PTPRM: variants seen among roughly 807,000 people sequenced by gnomAD.
The protein encoded by PTPRM is receptor-type tyrosine-protein phosphatase mu.
A neutral mutation model predicts 186.7 loss-of-function variants in PTPRM; 47 were observed. That is an observed-to-expected ratio of 0.25 (90% confidence interval 0.20 to 0.32). The LOEUF is 0.32. PTPRM is among the 10% of genes least tolerant of loss of function. The probability of loss-of-function intolerance (pLI) is 1.00; values close to 1 mark genes in which losing one functional copy is unlikely to be tolerated. For synonymous variants in PTPRM, 668 were observed against 674.9 expected (o/e 0.99, Z 0.16); for missense variants, 1,494 against 1,865.0 (o/e 0.80, Z 3.66).
At chr18:7,719,161 A>T (rs1032319047) in intron 1 of PTPRM, among the ~76,000 whole-genome samples, 3 of 152,236 alleles carry the variant, frequency 2.0e-5, no homozygotes, top group Non-Finnish European at 4.4e-5. Context: ...CCCATCAGCC[A>T]ATGAGTGGAT....
chr18:7,867,008 A>ACCC (rs960283346), intron 2 of PTPRM, among the ~76,000 whole-genome samples: 1 of 151,878 alleles, frequency 6.6e-6, no homozygotes, highest in Non-Finnish European at 1.5e-5. Context: ...TAGGATTGCA[A>ACCC]CCCCTGCTTT....
intron 13 of PTPRM, among the ~76,000 whole-genome samples, chr18:8,117,251 A>G (rs1234169637): frequency 6.6e-6 from 1 of 152,196 alleles, no homozygotes; most frequent in Non-Finnish European, 1.5e-5. Context: ...AGATGTTTAA[A>G]ATGTAGAAGA....
Position 8,076,460 on chromosome 18 carries a change from G to C in PTPRM, c.1447G>C (p.Gly483Arg). The change falls in exon 9 of 33, where the codon GGT (glycine) becomes CGT (arginine). Residue 483 changes from glycine (G) to arginine (R), a missense_variant. Around this residue, in one of 3 missense-constraint regions of PTPRM, gnomAD observed 1,107 missense variants for 1,350.2 expected, o/e 0.82. Coordinates refer to ENST00000580170, the MANE Select transcript of PTPRM (RefSeq NM_001105244.2). Reference protein sequence around the residue: ...LIVQTDEDLPGAVPTESIQGS... With the variant: ...LIVQTDEDLPRAVPTESIQGS... ...TTCCTCCCACCCTCCTTTAGTCCCA[G>C]GTGCTGTTCCCACTGAATCCATACA... The C allele has an allele frequency of 6.3e-7, 1 of 1,587,992 alleles. No individual in the cohort carries two copies. Among genetic ancestry groups the C allele is most frequent in the Non-Finnish European group, 8.6e-7 (1 of 1,159,612 alleles).
chr18:8,285,100 A>AT (rs1446292502), intron 19 of PTPRM, among the ~76,000 whole-genome samples: 5 of 152,150 alleles, frequency 3.3e-5, no homozygotes, highest in African/African-American at 1.2e-4. Flanking sequence ...TTCCATCAAC[A>AT]TTCTACAAGT....
chr18:7,833,422 C>T (rs1336029741), intron 2 of PTPRM, among the ~76,000 whole-genome samples: 3 of 151,992 alleles, frequency 2.0e-5, no homozygotes, highest in African/African-American at 4.8e-5. Context: ...ATTATTCACT[C>T]TTGGTGTATA....
intron 19 of PTPRM, among the ~76,000 whole-genome samples, chr18:8,282,729 G>T (rs1402093613): frequency 6.6e-6 from 1 of 152,078 alleles, no homozygotes; most frequent in Non-Finnish European, 1.5e-5. Flanking sequence ...GCACTGCTGG[G>T]CATTTATCAC....
At chr18:7,991,439 T>C (rs1268742736) in intron 7 of PTPRM, among the ~76,000 whole-genome samples, 2 of 151,916 alleles carry the variant, frequency 1.3e-5, no homozygotes, top group Non-Finnish European at 2.9e-5. Context: ...TGGAGGGAGA[T>C]GAGGTGACAA....
chr18:7,808,084 G>C (rs970807726), intron 2 of PTPRM, among the ~76,000 whole-genome samples: 2 of 152,182 alleles, frequency 1.3e-5, no homozygotes, highest in Admixed American at 6.5e-5. Flanking sequence ...GGTTGTGAGC[G>C]ATGGATGGAG....
At chr18:7,927,473 TGGG>T (rs2051242137) in intron 5 of PTPRM, among the ~76,000 whole-genome samples, 2 of 131,200 alleles carry the variant, frequency 1.5e-5, no homozygotes, top group African/African-American at 7.2e-5. Context: ...TGTGTGGGTG[TGGG>T]TTTTTTTTTT....
At chr18:8,316,616 C>A (rs775810221) in intron 21 of PTPRM, among the ~76,000 whole-genome samples, 10 of 152,052 alleles carry the variant, frequency 6.6e-5, no homozygotes, top group African/African-American at 2.4e-4. Context: ...AACTGTGAAC[C>A]GTTCAAACCA....
In PTPRM at chr18:8,394,559, T is replaced by C; in HGVS notation, c.4292T>C (p.Phe1431Ser). 1 of 1,613,850 alleles carries C rather than the reference T, an allele frequency of 6.2e-7. No homozygotes were observed. Among genetic ancestry groups the C allele is most frequent in the Non-Finnish European group, 8.5e-7 (1 of 1,179,902 alleles). The stretch of plus-strand genomic sequence containing the variant: ...CGGCACCAGAGAACCGTGGATGTCT[T>C]TCACGCTGTGAAGACACTGAGGAAC... ...MLRHQRTVDV[F>S]HAVKTLRNNK... The change falls in exon 32 of 33, where the codon TTT becomes TCT. Residue 1431 changes from phenylalanine (F) to serine (S), a missense_variant. By Grantham distance (155) the Phe-to-Ser change is radical. This residue lies in a region of PTPRM where 1,107 missense variants were observed against 1,350.2 expected (regional missense o/e 0.82). Coordinates refer to ENST00000580170, the MANE Select transcript of PTPRM (RefSeq NM_001105244.2).
chr18:7,807,746 G>T (rs1412252480), intron 2 of PTPRM, among the ~76,000 whole-genome samples: 1 of 152,330 alleles, frequency 6.6e-6, no homozygotes, highest in Non-Finnish European at 1.5e-5. Flanking sequence ...GACGTGATGT[G>T]TGCCTGTGTC....
chr18:7,894,274 T>C (rs1345101325), intron 3 of PTPRM, among the ~76,000 whole-genome samples: 4 of 152,192 alleles, frequency 2.6e-5, no homozygotes, highest in African/African-American at 9.6e-5. Context: ...ATTATATTTC[T>C]GATTCCAAAA....
At chr18:8,187,877 A>C (rs2093663087) in intron 14 of PTPRM, among the ~76,000 whole-genome samples, 1 of 152,226 alleles carries the variant, frequency 6.6e-6, no homozygotes, top group South Asian at 2.1e-4. Flanking sequence ...TGGGCACATC[A>C]AATAATACAT....
chr18:7,913,436 A>T (rs1328573930), intron 4 of PTPRM, among the ~76,000 whole-genome samples: 1 of 152,204 alleles, frequency 6.6e-6, no homozygotes, highest in Non-Finnish European at 1.5e-5. Flanking sequence ...GAAAGCTTTC[A>T]GTCTTTTAGC....
At position 7,955,969 on chromosome 18, in the gene PTPRM, C is replaced by G. The variant is rs1034264818; in HGVS notation, c.1132+555C>G. Among the ~76,000 whole-genome samples, 8 of 152,224 alleles carry G rather than the reference C, an allele frequency of 5.3e-5. No individual in the cohort carries two copies. In the East Asian group the frequency reaches 7.7e-4, roughly 15 times the overall value. ...CTTTAGTTTCTTAGATTATAAATTT[C>G]TAATTGTGCTAAACCCATTCCGCAA... On this transcript the variant is annotated intron_variant, in intron 7 of 32. Coordinates refer to ENST00000580170, the MANE Select transcript of PTPRM (RefSeq NM_001105244.2).
intron 1 of PTPRM, among the ~76,000 whole-genome samples, chr18:7,577,580 G>A (rs2036721311): frequency 6.6e-6 from 1 of 152,166 alleles, no homozygotes; most frequent in African/African-American, 2.4e-5. Context: ...CAGCAGGCAT[G>A]TTCTCGTTCC....
rs115820952 is a variant in PTPRM, at chr18:8,012,910, G to C, written c.1133-56776G>C. On this transcript the variant is annotated intron_variant, in intron 7 of 32. Transcript: ENST00000580170. ...TAGTGGGAAACACATGAAAGAGCTG[G>C]ACTACTCAAGGGTGATTGGCAGTGG... Among the ~76,000 whole-genome samples, 862 of 152,160 alleles carry C rather than the reference G, an allele frequency of 5.7e-3. 9 individuals carry two copies. Among genetic ancestry groups the C allele is most frequent in the African/African-American group, 0.02 (824 of 41,516 alleles).
intron 1 of PTPRM, among the ~76,000 whole-genome samples, chr18:7,773,481 T>C (rs1231008964): frequency 2.0e-5 from 3 of 152,088 alleles, no homozygotes; most frequent in East Asian, 3.8e-4. Context: ...AAATTTTTAA[T>C]GCAAGAGCAA....
Sources: allele counts gnomAD v4.1 joint callset (sites outside exome capture counted in the v4.1 genomes callset), GRCh38; gene constraint gnomAD v4.1.1; regional missense constraint gnomAD v4.1.1; transcripts MANE v1.5; gene names NCBI Gene and HGNC (gene_info 2026-07-23, HGNC 2026-07-21).